LMNA: variants seen among roughly 807,000 people sequenced by gnomAD.
LMNA encodes lamin.
Under a neutral mutation model 70.4 loss-of-function variants are expected in LMNA, and 20 were observed. The observed-to-expected ratio is 0.28, with a 90% CI of 0.20 to 0.41. The LOEUF is 0.41. Ranked by LOEUF, LMNA falls within the 10% of genes least tolerant of loss-of-function variation. The pLI, the probability that LMNA is intolerant of heterozygous loss-of-function variation, is 1.00. For missense variants in LMNA, 652 were observed against 917.2 expected (o/e 0.71, Z 3.73); for synonymous variants, 339 against 372.8 (o/e 0.91, Z 1.04).
At chr1:156,126,181 C>G (rs905012407) in intron 1 of LMNA, 1 of 1,527,520 alleles carries the variant, frequency 6.5e-7, no homozygotes, top group Non-Finnish European at 8.7e-7. Flanking sequence ...CTCTTCTGCT[C>G]CCTTCCTGTG....
At chr1:156,084,236 T>C (rs1002820962) in intron 2 of LMNA, among the ~76,000 whole-genome samples, 2 of 151,430 alleles carry the variant, frequency 1.3e-5, no homozygotes, top group African/African-American at 2.4e-5. Context: ...AGGGCTGAGC[T>C]GTTTAGTCCA....
chr1:156,129,272 C>T (rs1329991940), intron 1 of LMNA, among the ~76,000 whole-genome samples: 1 of 152,154 alleles, frequency 6.6e-6, no homozygotes, highest in African/African-American at 2.4e-5. Context: ...CTGAGTGTCA[C>T]TCTATCCTCC....
At chr1:156,096,060 T>G (rs1370575995) in intron 3 of LMNA, among the ~76,000 whole-genome samples, 1 of 152,236 alleles carries the variant, frequency 6.6e-6, no homozygotes, top group Non-Finnish European at 1.5e-5. Context: ...TCAGCTTTTA[T>G]GTTGCTTTGC....
chr1:156,093,254 C>T (rs1239946475), intron 3 of LMNA, among the ~76,000 whole-genome samples: 1 of 151,426 alleles, frequency 6.6e-6, no homozygotes, highest in Non-Finnish European at 1.5e-5. Flanking sequence ...TGACCCTTCA[C>T]CTGGCTAATG....
In LMNA at chr1:156,135,213, G is replaced by A. The variant is rs727505198; in HGVS notation, c.837G>A (p.Glu279=). 1.7e-5 allele frequency: 28 copies of A among 1,613,984 alleles called. No homozygotes were observed. In the South Asian group the frequency reaches 2.9e-4, roughly 16 times the overall value. The change falls in exon 5 of 12, where the codon GAG becomes GAA. Residue 279 remains glutamate (E), a synonymous_variant. Transcript: ENST00000368300. The surrounding 1 kb of genome is among the most constrained non-coding windows in gnomAD (Gnocchi z 4.8). ...TGGACAATGCCAGGCAGTCTGCTGA[G>A]AGGAACAGCAACCTGGTGGGGGCTG... ...AKLDNARQSA[E]RNSNLVGAAH...
rs555477026 is a variant in LMNA at position 156,138,458 on chromosome 1, G to A, written c.1699-30G>A. The A allele has an allele frequency of 4.0e-5, 65 of 1,606,708 alleles. No individual in the cohort carries two copies. The highest frequency in any genetic ancestry group is 1.9e-4 in the Middle Eastern group (1 of 5,210). On this transcript the variant is annotated intron_variant, in intron 10 of 11. Transcript: ENST00000368300. This position sits in a 1 kb window ranked among gnomAD's most constrained non-coding sequence, Gnocchi z 5.5. ...CTGAGTGGTCAGTCCCAGACTCGCC[G>A]TCCCGCCTGAGCCTTGTCTCCCTTC...
chr1:156,129,451 A>T (rs1257311023), intron 1 of LMNA, among the ~76,000 whole-genome samples: 1 of 152,076 alleles, frequency 6.6e-6, no homozygotes. Flanking sequence ...GTAGAAGAAA[A>T]ATGTTGGCAG....
intron 1 of LMNA, among the ~76,000 whole-genome samples, chr1:156,118,129 C>T (rs1207799249): frequency 6.6e-6 from 1 of 152,018 alleles, no homozygotes; most frequent in East Asian, 1.9e-4. Flanking sequence ...TGACGCCAGG[C>T]CTGTCTTTTT....
chr1:156,136,738 G>T lies in LMNA; in HGVS notation c.1381-183G>T. ...GAAAGATAAGGTATCCGTGTGCCTG[G>T]TGCTGCGTATGTGTCCACAGATCAT... On this transcript the variant is annotated intron_variant, in intron 7 of 11. Coordinates refer to ENST00000368300, the MANE Select transcript of LMNA (RefSeq NM_170707.4). This position sits in a 1 kb window ranked among gnomAD's most constrained non-coding sequence, Gnocchi z 6.1. 2.9e-6 allele frequency: 2 copies of T among 700,080 alleles called. No individual in the cohort carries two copies. The highest frequency in any genetic ancestry group is 2.0e-5 in the Admixed American group (1 of 49,284). The allele number at this position is 700,080 out of a possible 1,614,324, so 43.4% of individuals were successfully genotyped here. A position where few individuals can be genotyped will look rare whatever the true frequency, so the allele number is the denominator to read the frequency against.
chr1:156,087,024 G>A (rs1322563291), intron 2 of LMNA, among the ~76,000 whole-genome samples: 1 of 152,104 alleles, frequency 6.6e-6, no homozygotes, highest in East Asian at 1.9e-4. Flanking sequence ...GGATGGGGGT[G>A]CACACCTAAC....
intron 1 of LMNA, chr1:156,126,290 C>G: frequency 8.3e-7 from 1 of 1,204,844 alleles, no homozygotes; most frequent in Non-Finnish European, 1.1e-6. Flanking sequence ...CCTCCACCTC[C>G]CCTTTGTCTT....
rs146911556 is a variant in LMNA at position 156,105,391 on chromosome 1, C to T, written c.-206-9322C>T. 8.0e-3 allele frequency among the ~76,000 whole-genome samples: 856 copies of T among 106,578 alleles called. 6 individuals are homozygous for T. Among genetic ancestry groups the T allele is most frequent in the Non-Finnish European group, 0.012 (690 of 56,982 alleles). 69.9% of individuals were successfully genotyped at this position (106,578 alleles called of 152,430 possible). ...CCTTCCCCATCCCACAGGGCGGAGACCCCAGCCATCCCTACTCTACTTGGC... is the reference window on the plus strand; with the variant it reads ...CCTTCCCCATCCCACAGGGCGGAGATCCCAGCCATCCCTACTCTACTTGGC... On this transcript the variant is annotated intron_variant, in intron 3 of 12. Coordinates refer to the LMNA transcript ENST00000368301.
At position 156,139,225 on chromosome 1, in the gene LMNA, T is replaced by C; in HGVS notation, c.*119T>C. ...TTGAAGCCAAAGAAAAATAACCCTT[T>C]GGTTTTTTTCTTCTGTATTTTTTTT... On this transcript the variant is annotated 3_prime_UTR_variant, in exon 12 of 12. Coordinates refer to ENST00000368300, the MANE Select transcript of LMNA (RefSeq NM_170707.4). 1.3e-6 allele frequency: 2 copies of C among 1,528,552 alleles called. No homozygotes were observed. Among genetic ancestry groups the C allele is most frequent in the South Asian group, 1.2e-5 (1 of 81,420 alleles). 94.7% of individuals were successfully genotyped at this position (1,528,552 alleles called of 1,614,324 possible).
Position 156,138,671 on chromosome 1 carries a change from A to C in LMNA, c.1882A>C (p.Ser628Arg), listed in dbSNP as rs747253572. 1 of 1,613,676 alleles carries C rather than the reference A, an allele frequency of 6.2e-7. No homozygotes were observed. The highest frequency in any genetic ancestry group is 8.5e-7 in the Non-Finnish European group (1 of 1,179,966). Residue 628 changes from serine to arginine, a missense_variant, in exon 11 of 12, where the codon AGT (serine) becomes CGT (arginine). Coordinates refer to ENST00000368300, the MANE Select transcript of LMNA (RefSeq NM_170707.4). The surrounding 1 kb of genome is among the most constrained non-coding windows in gnomAD (Gnocchi z 5.5). The stretch of plus-strand genomic sequence containing the variant: ...TGTCACGGTCACTCGCAGCTACCGC[A>C]GTGTGGGGGGCAGTGGGGGTGGCAG... ...SSVTVTRSYR[S>R]VGGSGGGSFG... is the part of the protein sequence containing the mutation.
chr1:156,134,241 G>C lies in LMNA; in HGVS notation c.514-162G>C, dbSNP rs1448918538. ...TTAGCACAGTACCTACCAAGAGTGAGTGAGTAGATGTCCTGACCCCTGCAG... is the reference window on the plus strand; with the variant it reads ...TTAGCACAGTACCTACCAAGAGTGACTGAGTAGATGTCCTGACCCCTGCAG... On this transcript the variant is annotated intron_variant, in intron 2 of 11. Coordinates refer to ENST00000368300, the MANE Select transcript of LMNA (RefSeq NM_170707.4). This position sits in a 1 kb window ranked among gnomAD's most constrained non-coding sequence, Gnocchi z 5.3. Among the ~76,000 whole-genome samples the C allele has an allele frequency of 6.6e-6, 1 of 152,208 alleles. No individual in the cohort carries two copies.
At position 156,136,045 on chromosome 1, in the gene LMNA, G is replaced by A. The variant is rs267607634; in HGVS notation, c.1081G>A (p.Glu361Lys). The A allele has an allele frequency of 6.2e-7, 1 of 1,614,172 alleles. No individual in the cohort carries two copies. The change falls in exon 6 of 12, where the codon GAG becomes AAG. Residue 361 changes from glutamate to lysine, a missense_variant. This residue lies in a region of LMNA where 33 missense variants were observed against 75.3 expected (regional missense o/e 0.44). Coordinates refer to ENST00000368300, the MANE Select transcript of LMNA (RefSeq NM_170707.4). This position sits in a 1 kb window ranked among gnomAD's most constrained non-coding sequence, Gnocchi z 6.1. ...GCAGCAGCAGCTGGACGAGTACCAG[G>A]AGCTTCTGGACATCAAGCTGGCCCT... ...RMQQQLDEYQ[E>K]LLDIKLALDM...
At chr1:156,127,511 T>G (rs1207586835) in intron 1 of LMNA, among the ~76,000 whole-genome samples, 2 of 97,750 alleles carry the variant, frequency 2.0e-5, no homozygotes, top group African/African-American at 1.2e-4. Flanking sequence ...CCCTTACTGT[T>G]TTTTTTTTTT....
At position 156,086,420 on chromosome 1, in the gene LMNA, C is replaced by CTCTCTCTCTT. The variant is rs1648477975; in HGVS notation, c.-319+3241_-319+3242insCTCTTTCTCT. ...TCTCTCTCTCTCTCTCTCTCTCTCT[C>CTCTCTCTCTT]TCTCTTTTGTCTTTCTTACACAAGC... On this transcript the variant is annotated intron_variant, in intron 2 of 12. Coordinates refer to the LMNA transcript ENST00000368301. 3.3e-5 allele frequency among the ~76,000 whole-genome samples: 5 copies of CTCTCTCTCTT among 152,188 alleles called. No homozygotes were observed. In the South Asian group the frequency reaches 1.0e-3, roughly 32 times the overall value.
At position 156,115,311 on chromosome 1, in the gene LMNA, G is replaced by A. The variant is rs750072856; in HGVS notation, c.356+37G>A. 1.3e-6 allele frequency: 2 copies of A among 1,565,658 alleles called. No homozygotes were observed. Among genetic ancestry groups the A allele is most frequent in the Non-Finnish European group, 1.7e-6 (2 of 1,158,230 alleles). On this transcript the variant is annotated intron_variant, in intron 1 of 11. Coordinates refer to ENST00000368300, the MANE Select transcript of LMNA (RefSeq NM_170707.4). The surrounding 1 kb of genome is among the most constrained non-coding windows in gnomAD (Gnocchi z 5.8). ...CAGGTGGCTGCGTGCCTGGCGGGGA[G>A]TGGAGAGGGCGGCGGGCCGGCGCCC...
Sources: allele counts gnomAD v4.1 joint callset (sites outside exome capture counted in the v4.1 genomes callset), GRCh38; gene constraint gnomAD v4.1.1; regional missense constraint gnomAD v4.1.1; non-coding constraint Gnocchi (gnomAD v3.1); transcripts MANE v1.5; gene names NCBI Gene and HGNC (gene_info 2026-07-23, HGNC 2026-07-21).